The following TNFSF4 variants were observed in gnomAD, a reference collection of about 807,000 sequenced individuals.
TNFSF4 encodes TNF superfamily member 4.
TNFSF4 carries 4 observed loss-of-function variants against 7.3 expected under a neutral mutation model. The observed-to-expected ratio is 0.55, with a 90% CI of 0.27 to 1.25. The LOEUF (loss-of-function observed/expected upper bound fraction) is 1.25, where lower values mean the gene tolerates loss of function less well. Among genes scored for constraint, TNFSF4 ranks in the 50% most tolerant of loss-of-function variants. The pLI is 0.12. For synonymous variants in TNFSF4, 76 were observed against 83.7 expected (o/e 0.91, Z 0.50); for missense variants, 181 against 208.8 (o/e 0.87, Z 0.82).
At chr1:173,407,953 T>C in the TNFSF4 span, among the ~76,000 whole-genome samples, 1 of 152,170 alleles carries the variant, frequency 6.6e-6, no homozygotes, top group Non-Finnish European at 1.5e-5. Flanking sequence ...CATGCCCTTA[T>C]AGAAGAGGCT....
chr1:173,202,556 C>G (rs1649991670), intron 1 of TNFSF4, among the ~76,000 whole-genome samples: 1 of 152,116 alleles, frequency 6.6e-6, no homozygotes, highest in Non-Finnish European at 1.5e-5. Context: ...TGTGGTGCCC[C>G]CTAGTGCTGT....
chr1:173,383,101 A>G, the TNFSF4 span, among the ~76,000 whole-genome samples: 3 of 152,250 alleles, frequency 2.0e-5, no homozygotes, highest in South Asian at 6.2e-4. Context: ...TTGTCATTCC[A>G]AGTATTAGGT....
At chr1:173,400,117 A>G in the TNFSF4 span, among the ~76,000 whole-genome samples, 1 of 152,242 alleles carries the variant, frequency 6.6e-6, no homozygotes, top group Admixed American at 6.5e-5. Flanking sequence ...GGCATTTCAC[A>G]CAGCATTTTT....
the TNFSF4 span, among the ~76,000 whole-genome samples, chr1:173,395,435 G>T: frequency 1.1e-4 from 15 of 134,528 alleles, no homozygotes; most frequent in African/African-American, 4.0e-4. Flanking sequence ...GAGAGAGAGA[G>T]AAAATTTTGG....
At chr1:173,191,452 C>T (rs1649472567) in intron 1 of TNFSF4, among the ~76,000 whole-genome samples, 4 of 152,202 alleles carry the variant, frequency 2.6e-5, no homozygotes, top group Admixed American at 1.3e-4. Flanking sequence ...TTCCAACCAT[C>T]TTCCCCCTCA....
chr1:173,336,045 C>A, the TNFSF4 span, among the ~76,000 whole-genome samples: 26 of 152,300 alleles, frequency 1.7e-4, 2 homozygotes, highest in East Asian at 4.8e-3. Flanking sequence ...CTGACCCCAT[C>A]ATGTAGTTAT....
chr1:173,298,029 C>G, the TNFSF4 span, among the ~76,000 whole-genome samples: 1 of 151,848 alleles, frequency 6.6e-6, no homozygotes, highest in Admixed American at 6.6e-5. Context: ...CTAACTCTAC[C>G]CTGACCTGAA....
chr1:173,371,763 C>A, the TNFSF4 span, among the ~76,000 whole-genome samples: 76 of 152,284 alleles, frequency 5.0e-4, no homozygotes, highest in East Asian at 0.012. Flanking sequence ...TTCTCAAATA[C>A]CAGAGGAAGC....
At chr1:173,325,593 G>C in the TNFSF4 span, among the ~76,000 whole-genome samples, 8 of 151,850 alleles carry the variant, frequency 5.3e-5, no homozygotes, top group East Asian at 1.9e-4. Context: ...TTTTTGAAAA[G>C]ATCAACAAAA....
At chr1:173,425,806 G>A in the TNFSF4 span, among the ~76,000 whole-genome samples, 1 of 152,250 alleles carries the variant, frequency 6.6e-6, no homozygotes, top group East Asian at 1.9e-4. Context: ...ACCATGGACT[G>A]TTCCCACATT....
rs568930089 is a variant in TNFSF4 at position 173,207,319 on chromosome 1, T to C, written c.-143A>G. On this transcript the variant is annotated 5_prime_UTR_variant, in exon 1 of 3. Transcript: ENST00000281834. ...TAGGCAAAGGTCCCAGGGCCAGAGA[T>C]AAAAGGCGATTGAAAGAGCAAAGCG... is the stretch of plus-strand genomic sequence containing the variant. 3 of 668,094 alleles carry C rather than the reference T, an allele frequency of 4.5e-6. No individual in the cohort carries two copies. Among genetic ancestry groups the C allele is most frequent in the East Asian group, 2.9e-5 (1 of 34,130 alleles). The allele number at this position is 668,094 out of a possible 1,614,324, so 41.4% of individuals were successfully genotyped here. A position where few individuals can be genotyped will look rare whatever the true frequency, so the allele number is the denominator to read the frequency against.
chr1:173,249,554 G>A, the TNFSF4 span, among the ~76,000 whole-genome samples: 1 of 152,172 alleles, frequency 6.6e-6, no homozygotes, highest in African/African-American at 2.4e-5. Context: ...CCACAGGGTG[G>A]GAGGACACAA....
chr1:173,272,677 C>A, the TNFSF4 span, among the ~76,000 whole-genome samples: 2 of 152,228 alleles, frequency 1.3e-5, no homozygotes, highest in East Asian at 3.9e-4. Context: ...TGTTCTTTGG[C>A]CTTCCAGAAA....
At chr1:173,230,685 G>A in the TNFSF4 span, among the ~76,000 whole-genome samples, 1 of 152,000 alleles carries the variant, frequency 6.6e-6, no homozygotes. Context: ...CCACTAGCAA[G>A]ACTAATAAAG....
At chr1:173,299,842 A>T in the TNFSF4 span, among the ~76,000 whole-genome samples, 2 of 151,768 alleles carry the variant, frequency 1.3e-5, no homozygotes, top group Non-Finnish European at 2.9e-5. Context: ...GGAATAGGGG[A>T]TGTGGGAAGA....
the TNFSF4 span, among the ~76,000 whole-genome samples, chr1:173,219,848 G>A: frequency 8.5e-5 from 13 of 152,152 alleles, no homozygotes; most frequent in Non-Finnish European, 1.6e-4. Context: ...GCTAAGCTTT[G>A]AGGATGCAAT....
the TNFSF4 span, among the ~76,000 whole-genome samples, chr1:173,360,543 G>A: frequency 2.0e-5 from 3 of 152,180 alleles, no homozygotes; most frequent in Admixed American, 6.5e-5. Flanking sequence ...GACTAGCTGC[G>A]AAGATCCAAC....
At chr1:173,362,201 CT>C in the TNFSF4 span, among the ~76,000 whole-genome samples, 2 of 152,238 alleles carry the variant, frequency 1.3e-5, no homozygotes, top group South Asian at 4.1e-4. Flanking sequence ...TAAAGAAAGC[CT>C]TGGTTAACAG....
chr1:173,422,767 T>A, the TNFSF4 span, among the ~76,000 whole-genome samples: 1 of 152,126 alleles, frequency 6.6e-6, no homozygotes, highest in African/African-American at 2.4e-5. Flanking sequence ...TACCAAGCAA[T>A]GTAAAGTTAC....
Sources: gnomAD v4.1 joint callset for allele counts (sites outside exome capture counted in the v4.1 genomes callset) on GRCh38, gnomAD v4.1.1 for gene constraint, MANE v1.5 for transcripts, NCBI Gene and HGNC (gene_info 2026-07-23, HGNC 2026-07-21) for gene names.